Variants in PDE1C observed in about 807,000 individuals in gnomAD.
PDE1C encodes the protein dual specificity calcium/calmodulin-dependent 3',5'-cyclic nucleotide phosphodiesterase 1C.
PDE1C carries 62 observed loss-of-function variants against 93.1 expected under a neutral mutation model. The observed-to-expected ratio is 0.67, with a 90% CI of 0.54 to 0.82. PDE1C has a LOEUF of 0.82. Among genes scored for constraint, PDE1C ranks in the 40% least tolerant of loss-of-function variants. The pLI is 0.00. For synonymous variants in PDE1C, 325 were observed against 310.1 expected (o/e 1.05, Z -0.50); for missense variants, 742 against 884.6 (o/e 0.84, Z 2.04).
intron 2 of PDE1C, among the ~76,000 whole-genome samples, chr7:31,957,633 A>T (rs1444097959): frequency 1.3e-5 from 2 of 152,144 alleles, no homozygotes; most frequent in East Asian, 1.9e-4. Context: ...GTCATTTTTT[A>T]AAAATGGGAA....
chr7:31,620,580 A>G, the PDE1C span, among the ~76,000 whole-genome samples: 8 of 151,320 alleles, frequency 5.3e-5, no homozygotes, highest in East Asian at 9.7e-4. Flanking sequence ...TAACAAACAG[A>G]AAGGACATCC....
At chr7:32,297,058 TG>T (rs1812640519) in intron 1 of PDE1C, among the ~76,000 whole-genome samples, 1 of 152,124 alleles carries the variant, frequency 6.6e-6, no homozygotes, top group Admixed American at 6.5e-5. Context: ...AAGTGAAAGC[TG>T]GGATCTAAAG....
chr7:32,396,354 T>G (rs1784839505), intron 1 of PDE1C, among the ~76,000 whole-genome samples: 1 of 152,070 alleles, frequency 6.6e-6, no homozygotes, highest in Non-Finnish European at 1.5e-5. Context: ...GGTGCGTGCC[T>G]GTAGTCCCAG....
At chr7:32,330,239 G>A (rs779835592) in intron 1 of PDE1C, among the ~76,000 whole-genome samples, 4 of 152,216 alleles carry the variant, frequency 2.6e-5, no homozygotes, top group Non-Finnish European at 1.5e-5. Flanking sequence ...GCTCTGCAAG[G>A]TGAGTGAACT....
At chr7:31,692,687 T>C in the PDE1C span, among the ~76,000 whole-genome samples, 2 of 152,002 alleles carry the variant, frequency 1.3e-5, no homozygotes, top group African/African-American at 4.8e-5. Context: ...TAGCCATGGG[T>C]CTGTGGGGTC....
At chr7:32,327,128 T>C (rs1463793916) in intron 1 of PDE1C, among the ~76,000 whole-genome samples, 1 of 152,228 alleles carries the variant, frequency 6.6e-6, no homozygotes, top group East Asian at 1.9e-4. Context: ...CTCCATTGGC[T>C]GTACTGCCAA....
intron 3 of PDE1C, among the ~76,000 whole-genome samples, chr7:32,116,240 CA>C (rs1798978880): frequency 6.6e-6 from 1 of 152,310 alleles, no homozygotes; most frequent in East Asian, 1.9e-4. Flanking sequence ...TCTGCACCTA[CA>C]ACTGTAATGT....
the PDE1C span, chr7:31,695,749 T>C: frequency 1.1e-6 from 1 of 873,552 alleles, no homozygotes; most frequent in South Asian, 1.9e-5. Flanking sequence ...CACCTCTGTA[T>C]CTCTGTATTA....
chr7:31,683,079 C>T, the PDE1C span, among the ~76,000 whole-genome samples: 2 of 152,058 alleles, frequency 1.3e-5, no homozygotes, highest in Admixed American at 6.6e-5. Flanking sequence ...GTGCTGGATA[C>T]AAGAACTTAC....
intron 2 of PDE1C, among the ~76,000 whole-genome samples, chr7:31,948,166 CT>C (rs56948835): frequency 0.031 from 4,650 of 152,276 alleles, 276 homozygotes; most frequent in East Asian, 0.27. Context: ...AACTTGACAT[CT>C]TTTCAAACAC....
chr7:32,422,011 C>G (rs1419954105), intron 1 of PDE1C, among the ~76,000 whole-genome samples: 1 of 152,146 alleles, frequency 6.6e-6, no homozygotes, highest in African/African-American at 2.4e-5. Flanking sequence ...CGAGACTTTT[C>G]TGCCTTGGTA....
At chr7:32,187,635 T>C (rs1191819112) in intron 2 of PDE1C, among the ~76,000 whole-genome samples, 1 of 152,190 alleles carries the variant, frequency 6.6e-6, no homozygotes, top group Admixed American at 6.5e-5. Context: ...AACGTAACAA[T>C]TTATAATCTA....
chr7:32,231,407 A>G (rs1419418026), intron 1 of PDE1C, among the ~76,000 whole-genome samples: 1 of 152,252 alleles, frequency 6.6e-6, no homozygotes, highest in African/African-American at 2.4e-5. Flanking sequence ...TAAATGTAAA[A>G]ATAGTTGAAA....
chr7:31,919,704 C>T (rs981418503), intron 2 of PDE1C, among the ~76,000 whole-genome samples: 1 of 152,192 alleles, frequency 6.6e-6, no homozygotes, highest in African/African-American at 2.4e-5. Context: ...TTTATAAACA[C>T]TGTGTCTTAA....
At chr7:32,336,304 A>T (rs192607502) in intron 1 of PDE1C, among the ~76,000 whole-genome samples, 232 of 152,336 alleles carry the variant, frequency 1.5e-3, no homozygotes, top group Admixed American at 2.5e-3. Context: ...ATTATCCAAC[A>T]AACTATCATG....
At position 32,380,404 on chromosome 7, in the gene PDE1C, A is replaced by ATTTTTT. The variant is rs55965828; in HGVS notation, c.310+47412_310+47417dup. On this transcript the variant is annotated intron_variant, in intron 1 of 1. Coordinates refer to the PDE1C transcript ENST00000672256. Reference sequence around the variant, plus strand: ...AGGCGCATGCCACCATGCCCGGCTAATTTTTTTTTTTTTTTGTATTTTTAG... The same window carrying ATTTTTT: ...AGGCGCATGCCACCATGCCCGGCTAATTTTTTTTTTTTTTTTTTTTTGTATTTTTAG... Among the ~76,000 whole-genome samples the ATTTTTT allele has an allele frequency of 2.2e-3, 307 of 137,264 alleles. 4 individuals are homozygous for ATTTTTT. Among genetic ancestry groups the ATTTTTT allele is most frequent in the South Asian group, 0.012 (52 of 4,248 alleles). 90.1% of individuals were successfully genotyped at this position (137,264 alleles called of 152,430 possible).
chr7:31,718,931 G>A, the PDE1C span, among the ~76,000 whole-genome samples: 1 of 152,136 alleles, frequency 6.6e-6, no homozygotes, highest in East Asian at 1.9e-4. Context: ...CTGCATTCTG[G>A]AACCAGGATC....
At chr7:32,338,855 T>C (rs570176026) in intron 1 of PDE1C, among the ~76,000 whole-genome samples, 124 of 152,038 alleles carry the variant, frequency 8.2e-4, no homozygotes, top group African/African-American at 2.8e-3. Flanking sequence ...TACAAAAAAT[T>C]AGCCAAGCGT....
intron 11 of PDE1C, among the ~76,000 whole-genome samples, chr7:31,830,462 A>C (rs2128750969): frequency 6.6e-6 from 1 of 152,308 alleles, no homozygotes; most frequent in Non-Finnish European, 1.5e-5. Flanking sequence ...GGTTAAGATA[A>C]CTCCAACTGA....
Sources: gnomAD v4.1 joint callset for allele counts (sites outside exome capture counted in the v4.1 genomes callset) on GRCh38, gnomAD v4.1.1 for gene constraint, MANE v1.5 for transcripts, NCBI Gene and HGNC (gene_info 2026-07-23, HGNC 2026-07-21) for gene names.